Variants in OLFM1 observed in about 807,000 individuals in gnomAD.
The protein encoded by OLFM1 is olfactomedin 1.
Under a neutral mutation model 49.7 loss-of-function variants are expected in OLFM1, and 9 were observed. The ratio of observed to expected loss-of-function variants is 0.18; its 90% confidence interval spans 0.11 to 0.32. The LOEUF is 0.32. Among genes scored for constraint, OLFM1 ranks in the 10% least tolerant of loss-of-function variants. OLFM1 has a pLI of 1.00. For missense variants in OLFM1, 369 were observed against 661.8 expected, an observed-to-expected ratio of 0.56 and a Z score of 4.85; for synonymous variants, 240 against 271.8, an observed-to-expected ratio of 0.88 and a Z score of 1.15.
Position 135,117,938 on chromosome 9 carries a change from T to G in OLFM1, c.784-1566T>G, listed in dbSNP as rs1831117450. Among the ~76,000 whole-genome samples, 1 of 152,242 alleles carries G rather than the reference T, an allele frequency of 6.6e-6. No individual in the cohort carries two copies. The highest frequency in any genetic ancestry group is 1.5e-5 in the Non-Finnish European group (1 of 68,042). Reference sequence around the variant, plus strand: ...ACCCTTTCTTCAAACTGGGCCATCCTTTCTCTGATAGCACAATAGCTGTGT... The same window carrying G: ...ACCCTTTCTTCAAACTGGGCCATCCGTTCTCTGATAGCACAATAGCTGTGT... On this transcript the variant is annotated intron_variant, in intron 5 of 5. Transcript: ENST00000371793. The surrounding 1 kb of genome is among the most constrained non-coding windows in gnomAD (Gnocchi z 5.5).
chr9:135,095,066 C>T (rs1452135079), intron 2 of OLFM1: 1 of 152,158 alleles, frequency 6.6e-6, no homozygotes, highest in African/African-American at 2.4e-5. Flanking sequence ...GGTGGCTGCA[C>T]TAAAACTGTT....
intron 5 of OLFM1, among the ~76,000 whole-genome samples, chr9:135,108,277 C>G (rs146492310): frequency 5.1e-4 from 78 of 152,302 alleles, no homozygotes; most frequent in African/African-American, 1.9e-3. Context: ...GGAACTTGCT[C>G]CTGCCACAGA....
chr9:135,091,784 CACAT>C (rs1439654700), intron 2 of OLFM1, among the ~76,000 whole-genome samples: 3 of 141,346 alleles, frequency 2.1e-5, no homozygotes, highest in Non-Finnish European at 3.0e-5. Context: ...CACACACTCA[CACAT>C]AGTCACACAG....
intron 2 of OLFM1, among the ~76,000 whole-genome samples, chr9:135,091,459 TCACACA>T (rs1180352070): frequency 7.4e-6 from 1 of 135,426 alleles, no homozygotes; most frequent in Non-Finnish European, 1.6e-5. Flanking sequence ...ACACACACAC[TCACACA>T]CAGTCACACA....
At chr9:135,108,281 C>T (rs1308616436) in intron 5 of OLFM1, among the ~76,000 whole-genome samples, 1 of 152,180 alleles carries the variant, frequency 6.6e-6, no homozygotes, top group African/African-American at 2.4e-5. Context: ...CTTGCTCCTG[C>T]CACAGATGTT....
intron 1 of OLFM1, among the ~76,000 whole-genome samples, chr9:135,078,701 T>G (rs1035735089): frequency 6.6e-6 from 1 of 152,126 alleles, no homozygotes; most frequent in Non-Finnish European, 1.5e-5. Context: ...TTGGGGAAGG[T>G]GGGGCAGGGC....
intron 2 of OLFM1, among the ~76,000 whole-genome samples, chr9:135,092,266 C>T (rs1462987769): frequency 1.3e-5 from 2 of 152,160 alleles, no homozygotes; most frequent in African/African-American, 4.8e-5. Flanking sequence ...CCAGCTCTGA[C>T]GGGCCTTGAA....
At position 135,087,822 on chromosome 9, in the gene OLFM1, CCGGGGCGCG is replaced by C. The variant is rs1247178058; in HGVS notation, c.-160_-152del. The C allele has an allele frequency of 2.3e-6, 2 of 884,468 alleles. No homozygotes were observed. The highest frequency in any genetic ancestry group is 2.7e-6 in the Non-Finnish European group (2 of 740,560). 54.8% of individuals were successfully genotyped at this position (884,468 alleles called of 1,614,324 possible). A position where few individuals can be genotyped will look rare whatever the true frequency, so the allele number is the denominator to read the frequency against. ...GCGCCCGGGGAAGGCGCGGCGATGG[CCGGGGCGCG>C]CGGGGCGGCGGCGGCGGCGGGCGGG... On this transcript the variant is annotated 5_prime_UTR_variant, in exon 1 of 6. Coordinates refer to ENST00000371793, the MANE Select transcript of OLFM1 (RefSeq NM_001282611.2).
intron 4 of OLFM1, among the ~76,000 whole-genome samples, chr9:135,104,051 A>G (rs1285077116): frequency 6.6e-6 from 1 of 152,216 alleles, no homozygotes; most frequent in Admixed American, 6.5e-5. Context: ...TGGAGGAAAC[A>G]GGGTGAGTGC....
chr9:135,089,566 G>A (rs113413533), intron 1 of OLFM1, among the ~76,000 whole-genome samples: 111 of 152,326 alleles, frequency 7.3e-4, no homozygotes, highest in African/African-American at 2.6e-3. Flanking sequence ...GCTCGTGGGG[G>A]GAGCCCACAA....
At chr9:135,092,391 G>A (rs745739132) in intron 2 of OLFM1, among the ~76,000 whole-genome samples, 5 of 152,224 alleles carry the variant, frequency 3.3e-5, no homozygotes, top group African/African-American at 4.8e-5. Context: ...GGCCTAGTTC[G>A]TAAAGCACGC....
At chr9:135,107,849 GCT>G (rs2119131683) in intron 5 of OLFM1, among the ~76,000 whole-genome samples, 1 of 152,334 alleles carries the variant, frequency 6.6e-6, no homozygotes, top group East Asian at 1.9e-4. Context: ...GATGGACCCA[GCT>G]CTCTCCCCTC....
At position 135,117,788 on chromosome 9, in the gene OLFM1, G is replaced by A. The variant is rs1022111676; in HGVS notation, c.784-1716G>A. ...TAGGGGCGAATGGCTGCACGTATAC[G>A]CCTGTGTGCTCCCATCCCACCTTCC... On this transcript the variant is annotated intron_variant, in intron 5 of 5. Coordinates refer to ENST00000371793, the MANE Select transcript of OLFM1 (RefSeq NM_001282611.2). This position sits in a 1 kb window ranked among gnomAD's most constrained non-coding sequence, Gnocchi z 5.5. Among the ~76,000 whole-genome samples the A allele has an allele frequency of 1.3e-5, 2 of 152,144 alleles. No homozygotes were observed. The highest frequency in any genetic ancestry group is 1.3e-4 in the Admixed American group (2 of 15,272).
rs1430629701 is a variant in OLFM1 at position 135,088,593 on chromosome 9, C to G, written c.150+454C>G. On this transcript the variant is annotated intron_variant, in intron 1 of 5. Transcript: ENST00000371793. The surrounding 1 kb of genome is among the most constrained non-coding windows in gnomAD (Gnocchi z 4.8). ...TCGGTCCAGCGGGGACTGAGCCCGC[C>G]CTAGTTTGTAAAAGCCAGACTGGCC... is the stretch of plus-strand genomic sequence containing the variant. Among the ~76,000 whole-genome samples the G allele has an allele frequency of 6.6e-6, 1 of 152,090 alleles. No homozygotes were observed. The highest frequency in any genetic ancestry group is 1.5e-5 in the Non-Finnish European group (1 of 68,000).
At chr9:135,107,986 G>A (rs891897267) in intron 5 of OLFM1, among the ~76,000 whole-genome samples, 2 of 152,202 alleles carry the variant, frequency 1.3e-5, no homozygotes, top group African/African-American at 2.4e-5. Context: ...TGGCTGGGGA[G>A]GGGAGGGGGA....
In OLFM1 at chr9:135,088,945, G is replaced by T. The variant is rs1830642010; in HGVS notation, c.150+806G>T. 6.6e-6 allele frequency among the ~76,000 whole-genome samples: 1 copy of T among 152,236 alleles called. No individual in the cohort carries two copies. Among genetic ancestry groups the T allele is most frequent in the South Asian group, 2.1e-4 (1 of 4,832 alleles). Reference sequence around the variant, plus strand: ...GAGCTGACTTAGATGGCTGAGCGAGGCTGAGCTGAAACCGCCACCCGGAGG... The same window carrying T: ...GAGCTGACTTAGATGGCTGAGCGAGTCTGAGCTGAAACCGCCACCCGGAGG... On this transcript the variant is annotated intron_variant, in intron 1 of 5. Coordinates refer to ENST00000371793, the MANE Select transcript of OLFM1 (RefSeq NM_001282611.2). This position sits in a 1 kb window ranked among gnomAD's most constrained non-coding sequence, Gnocchi z 4.8.
intron 1 of OLFM1, among the ~76,000 whole-genome samples, chr9:135,082,622 C>T (rs1042097126): frequency 4.6e-5 from 7 of 152,108 alleles, no homozygotes; most frequent in African/African-American, 1.7e-4. Flanking sequence ...GCCTCCTTCC[C>T]AGCCCCAAAT....
In OLFM1 at chr9:135,098,396, G is replaced by A. The variant is rs1830827482; in HGVS notation, c.567G>A (p.Thr189=). 4 of 1,613,946 alleles carry A rather than the reference G, an allele frequency of 2.5e-6. No homozygotes were observed. Among genetic ancestry groups the A allele is most frequent in the South Asian group, 1.1e-5 (1 of 91,088 alleles). The change falls in exon 4 of 6, where the codon ACG becomes ACA. Residue 189 remains threonine, a synonymous_variant. Coordinates refer to ENST00000371793, the MANE Select transcript of OLFM1 (RefSeq NM_001282611.2). This position sits in a 1 kb window ranked among gnomAD's most constrained non-coding sequence, Gnocchi z 5.6. Reference sequence around the variant, plus strand: ...TTAAAGAGGAGGTCCAGAATCTGACGTCAGTGCTTAACGAGCTGCAAGAGG... The same window carrying A: ...TTAAAGAGGAGGTCCAGAATCTGACATCAGTGCTTAACGAGCTGCAAGAGG... The part of the protein sequence containing the change: ...LQFKEEVQNL[T]SVLNELQEEI...
Position 135,098,145 on chromosome 9 carries a change from C to T in OLFM1, c.457-141C>T. 3 of 1,437,478 alleles carry T rather than the reference C, an allele frequency of 2.1e-6. No individual in the cohort carries two copies. Among genetic ancestry groups the T allele is most frequent in the Non-Finnish European group, 2.7e-6 (3 of 1,096,656 alleles). 89.0% of individuals were successfully genotyped at this position (1,437,478 alleles called of 1,614,324 possible). On this transcript the variant is annotated intron_variant, in intron 3 of 5. Transcript: ENST00000371793. This position sits in a 1 kb window ranked among gnomAD's most constrained non-coding sequence, Gnocchi z 5.6. The stretch of plus-strand genomic sequence containing the variant: ...AGGACTGTTTAATATGCTCTTCTAA[C>T]TCATTTGGACCAGAACAAATAAGCC...
Sources: gnomAD v4.1 joint callset for allele counts (sites outside exome capture counted in the v4.1 genomes callset) on GRCh38, gnomAD v4.1.1 for gene constraint, Gnocchi (gnomAD v3.1) non-coding constraint, MANE v1.5 for transcripts, NCBI Gene and HGNC (gene_info 2026-07-23, HGNC 2026-07-21) for gene names.